PPM1D: variants seen among roughly 807,000 people sequenced by gnomAD.
PPM1D encodes the protein protein phosphatase 1D.
A neutral mutation model predicts 58.3 loss-of-function variants in PPM1D; 52 were observed. That is an observed-to-expected ratio of 0.89 (90% CI 0.71 to 1.12). The LOEUF (loss-of-function observed/expected upper bound fraction) is 1.12, where lower values mean the gene tolerates loss of function less well. Ranked by LOEUF, PPM1D falls within the 50% of genes most tolerant of loss-of-function variation. PPM1D has a pLI of 0.00. For synonymous variants in PPM1D, 278 were observed against 285.1 expected, an observed-to-expected ratio of 0.98 and a Z score of 0.25; for missense variants, 564 against 777.2, an observed-to-expected ratio of 0.73 and a Z score of 3.26.
intron 1 of PPM1D, among the ~76,000 whole-genome samples, chr17:60,620,927 C>A (rs75041103): frequency 2.7e-5 from 4 of 150,422 alleles, no homozygotes; most frequent in African/African-American, 9.8e-5. Flanking sequence ...TCTTTTCTTT[C>A]TTTCTTTTTT....
intron 3 of PPM1D, among the ~76,000 whole-genome samples, chr17:60,634,752 A>G (rs1295018738): frequency 1.3e-5 from 2 of 152,140 alleles, no homozygotes; most frequent in African/African-American, 2.4e-5. Flanking sequence ...AGTTTTTTCA[A>G]AGAAAATGTC....
chr17:60,652,287 C>T (rs949807892), intron 4 of PPM1D, among the ~76,000 whole-genome samples: 1 of 152,042 alleles, frequency 6.6e-6, no homozygotes, highest in Admixed American at 6.6e-5. Context: ...TCCTCCAGTT[C>T]CATCCCTGTT....
chr17:60,656,900 G>A (rs768143524), intron 5 of PPM1D, 59 bp downstream of exon 5: 136 of 1,609,460 alleles, frequency 8.5e-5, no homozygotes, highest in East Asian at 1.3e-4. Flanking sequence ...TTTGGTTAGC[G>A]TCACCTGGAA....
chr17:60,656,706 C>T lies in PPM1D; in HGVS notation c.1125C>T (p.Ile375=). Residue 375 remains isoleucine (I), a synonymous_variant, in exon 5 of 6, where the codon ATC becomes ATT. Transcript: ENST00000305921. ...ACACTAGTGCCATAGTAATCTGCAT[C>T]TCTCCAGAAGTGGACAATCAGGGAA... ...ADNTSAIVIC[I]SPEVDNQGNF... 6.2e-7 allele frequency: 1 copy of T among 1,614,160 alleles called. No homozygotes were observed.
chr17:60,605,437 A>T (rs1233377263), intron 1 of PPM1D, among the ~76,000 whole-genome samples: 1 of 152,188 alleles, frequency 6.6e-6, no homozygotes, highest in Non-Finnish European at 1.5e-5. Flanking sequence ...TGCCTTACTC[A>T]TCTTTAATTG....
chr17:60,660,444 T>C (rs1204687749), intron 5 of PPM1D, among the ~76,000 whole-genome samples: 1 of 152,144 alleles, frequency 6.6e-6, no homozygotes, highest in African/African-American at 2.4e-5. Context: ...GGTCCTAAAG[T>C]CTATATATAT....
chr17:60,621,480 C>T (rs1220746768), intron 1 of PPM1D, among the ~76,000 whole-genome samples: 2 of 152,166 alleles, frequency 1.3e-5, no homozygotes, highest in East Asian at 1.9e-4. Context: ...CTGCAGCCTC[C>T]ACCTCCTGGG....
chr17:60,658,530 C>T (rs2031477947), intron 5 of PPM1D, among the ~76,000 whole-genome samples: 1 of 151,886 alleles, frequency 6.6e-6, no homozygotes, highest in African/African-American at 2.4e-5. Context: ...TGCCTGTAAT[C>T]CCAGGTACTT....
intron 2 of PPM1D, among the ~76,000 whole-genome samples, chr17:60,627,052 T>G (rs540341514): frequency 6.6e-6 from 1 of 152,346 alleles, no homozygotes; most frequent in South Asian, 2.1e-4. Flanking sequence ...ATGTGAATTT[T>G]AGATATTGTT....
chr17:60,656,520 T>C, intron 4 of PPM1D, 79 bp from the exon 5 acceptor site: 1 of 1,519,524 alleles, frequency 6.6e-7, no homozygotes, highest in Non-Finnish European at 8.8e-7. Flanking sequence ...GAACACCAAA[T>C]ATTTAATTTG....
At chr17:60,635,084 A>G (rs77739387) in intron 3 of PPM1D, among the ~76,000 whole-genome samples, 7,084 of 151,888 alleles carry the variant, frequency 0.047, 586 homozygotes, top group African/African-American at 0.16. Context: ...ACTACTATAT[A>G]TATTAATAAT....
intron 3 of PPM1D, among the ~76,000 whole-genome samples, chr17:60,644,452 A>G (rs996213088): frequency 6.6e-6 from 1 of 152,174 alleles, no homozygotes; most frequent in African/African-American, 2.4e-5. Flanking sequence ...TGATCCTTGA[A>G]TGGATCCTGG....
intron 5 of PPM1D, among the ~76,000 whole-genome samples, chr17:60,659,859 A>G (rs2031498160): frequency 6.6e-6 from 1 of 152,256 alleles, no homozygotes; most frequent in Non-Finnish European, 1.5e-5. Context: ...CCCTTCAGAA[A>G]TGTTCAAGAA....
chr17:60,659,047 A>G (rs1328649324), intron 5 of PPM1D, among the ~76,000 whole-genome samples: 4 of 152,242 alleles, frequency 2.6e-5, no homozygotes, highest in Non-Finnish European at 5.9e-5. Flanking sequence ...ATATGCAGGT[A>G]TAGTTATTTG....
intron 5 of PPM1D, among the ~76,000 whole-genome samples, chr17:60,657,416 A>G (rs568480217): frequency 3.9e-5 from 6 of 152,332 alleles, no homozygotes; most frequent in African/African-American, 9.6e-5. Flanking sequence ...TAAGAACTCA[A>G]ATACTTGGTT....
At chr17:60,603,198 T>C (rs1466928196) in intron 1 of PPM1D, among the ~76,000 whole-genome samples, 12 of 152,170 alleles carry the variant, frequency 7.9e-5, no homozygotes, top group Non-Finnish European at 1.3e-4. Flanking sequence ...GTAGTGCTCA[T>C]TGGATTGTAG....
intron 3 of PPM1D, among the ~76,000 whole-genome samples, chr17:60,635,176 T>TG (rs2143677659): frequency 6.6e-6 from 1 of 152,240 alleles, no homozygotes; most frequent in African/African-American, 2.4e-5. Context: ...TTTGCTATTA[T>TG]GAAAAATACT....
intron 3 of PPM1D, among the ~76,000 whole-genome samples, chr17:60,643,883 CTTT>C (rs71148308): frequency 2.0e-5 from 2 of 97,750 alleles, no homozygotes; most frequent in Admixed American, 1.4e-4. Flanking sequence ...CTTTTCTTTT[CTTT>C]TTTTTTTTTT....
chr17:60,648,782 G>A (rs1474746259), intron 4 of PPM1D, among the ~76,000 whole-genome samples: 1 of 130,660 alleles, frequency 7.7e-6, no homozygotes, highest in Non-Finnish European at 1.6e-5. Flanking sequence ...TTTTCTGACT[G>A]TCTCAGTGTC....
Sources: allele counts gnomAD v4.1 joint callset (sites outside exome capture counted in the v4.1 genomes callset), GRCh38; gene constraint gnomAD v4.1.1; transcripts MANE v1.5; gene names NCBI Gene and HGNC (gene_info 2026-07-23, HGNC 2026-07-21).